RCAN1: variants seen among roughly 807,000 people sequenced by gnomAD.
The protein encoded by RCAN1 is calcipressin-1.
RCAN1 carries 11 observed loss-of-function variants against 22.9 expected under a neutral mutation model. The observed-to-expected ratio is 0.48, with a 90% confidence interval of 0.30 to 0.79. The LOEUF (loss-of-function observed/expected upper bound fraction) is 0.79. Among genes scored for constraint, RCAN1 ranks in the 30% least tolerant of loss-of-function variants. The pLI is 0.06. For synonymous variants in RCAN1, 136 were observed against 142.3 expected (o/e 0.96, Z 0.32); for missense variants, 291 against 337.8 (o/e 0.86, Z 1.09).
intron 1 of RCAN1, among the ~76,000 whole-genome samples, chr21:34,598,892 T>C (rs547990417): frequency 4.6e-5 from 7 of 152,214 alleles, no homozygotes; most frequent in Non-Finnish European, 1.0e-4. Context: ...CTAATAAGCA[T>C]ATGGAAGGGT....
At chr21:34,605,102 G>A (rs1988481634) in intron 1 of RCAN1, among the ~76,000 whole-genome samples, 2 of 152,264 alleles carry the variant, frequency 1.3e-5, no homozygotes, top group South Asian at 4.1e-4. Flanking sequence ...TGAGGGTGTT[G>A]CCAGAGGAGA....
chr21:34,545,477 A>G (rs144421312), intron 1 of RCAN1, among the ~76,000 whole-genome samples: 10 of 152,286 alleles, frequency 6.6e-5, no homozygotes, highest in African/African-American at 2.4e-4. Context: ...AAATGCTGCA[A>G]TGTGGGGCAT....
intron 1 of RCAN1, among the ~76,000 whole-genome samples, chr21:34,552,257 G>C (rs751108081): frequency 1.3e-5 from 2 of 151,350 alleles, no homozygotes; most frequent in African/African-American, 2.4e-5. Flanking sequence ...GAGCTTGCCA[G>C]AAACGCAGAA....
chr21:34,605,087 G>A (rs1988481241), intron 1 of RCAN1, among the ~76,000 whole-genome samples: 1 of 152,248 alleles, frequency 6.6e-6, no homozygotes, highest in African/African-American at 2.4e-5. Flanking sequence ...TCCTGAATGT[G>A]TCTGTGAGGG....
At chr21:34,577,434 C>T (rs1987447767) in intron 1 of RCAN1, among the ~76,000 whole-genome samples, 1 of 151,716 alleles carries the variant, frequency 6.6e-6, no homozygotes, top group Non-Finnish European at 1.5e-5. Flanking sequence ...CCTGTCTCTA[C>T]AAAAAAATAC....
chr21:34,596,523 G>A (rs1320688219), intron 1 of RCAN1, among the ~76,000 whole-genome samples: 3 of 152,118 alleles, frequency 2.0e-5, no homozygotes, highest in East Asian at 1.9e-4. Flanking sequence ...GGGCCTTCTC[G>A]AAGGCTCTGC....
In RCAN1 at chr21:34,518,332, A is replaced by AG; in HGVS notation, c.587-77dup. The AG allele has an allele frequency of 6.7e-7, 1 of 1,500,346 alleles. No homozygotes were observed. The highest frequency in any genetic ancestry group is 1.4e-5 in the African/African-American group (1 of 72,806). The allele number at this position is 1,500,346 out of a possible 1,614,324, so 92.9% of individuals were successfully genotyped here. On this transcript the variant is annotated intron_variant, in intron 3 of 3. Coordinates refer to ENST00000313806, the MANE Select transcript of RCAN1 (RefSeq NM_004414.7). The surrounding 1 kb of genome is among the most constrained non-coding windows in gnomAD (Gnocchi z 4.2). ...AAAAGGCAAACATAAAAGAGCATTC[A>AG]GGGCTCTGCTGGGCCAGCTGCTCGT...
intron 3 of RCAN1, among the ~76,000 whole-genome samples, chr21:34,520,007 A>G (rs1398374498): frequency 2.0e-5 from 3 of 152,016 alleles, no homozygotes; most frequent in Admixed American, 1.3e-4. Flanking sequence ...TTACAAATCT[A>G]CCTCTTTGCA....
intron 1 of RCAN1, among the ~76,000 whole-genome samples, chr21:34,610,628 C>T (rs1430777209): frequency 2.6e-5 from 4 of 152,220 alleles, no homozygotes; most frequent in African/African-American, 9.6e-5. Flanking sequence ...TGGTTCCCAA[C>T]CTCAGCTAAC....
rs748689069 is a variant in RCAN1, at chr21:34,614,883, G to A, written c.129C>T (p.Asp43=). 1.4e-6 allele frequency: 2 copies of A among 1,449,062 alleles called. No homozygotes were observed. Among genetic ancestry groups the A allele is most frequent in the Middle Eastern group, 1.9e-4 (1 of 5,134 alleles). 89.8% of individuals were successfully genotyped at this position (1,449,062 alleles called of 1,614,324 possible). A position where few individuals can be genotyped will look rare whatever the true frequency, so the allele number is the denominator to read the frequency against. ...FAPLSGAAEA[D]EGGGDWSFID... ...TGAAGCTCCAGTCGCCGCCGCCCTC[G>A]TCCGCCTCGGCCGCCCCCGAGAGGG... Residue 43 remains aspartate (D), a synonymous_variant, in exon 1 of 4, where the codon GAC becomes GAT. Coordinates refer to ENST00000313806, the MANE Select transcript of RCAN1 (RefSeq NM_004414.7). This position sits in a 1 kb window ranked among gnomAD's most constrained non-coding sequence, Gnocchi z 6.0.
chr21:34,615,107 C>T lies in RCAN1; in HGVS notation c.-96G>A. ...CCGGTCCGCGCCCGGCCGGCGGCTC[C>T]GCCGTTAACCCCCTCGGAATCGCGC... is the stretch of plus-strand genomic sequence containing the variant. On this transcript the variant is annotated 5_prime_UTR_variant, in exon 1 of 4. Transcript: ENST00000313806. 1.0e-6 allele frequency: 1 copy of T among 970,032 alleles called. No homozygotes were observed. Among genetic ancestry groups the T allele is most frequent in the Non-Finnish European group, 1.2e-6 (1 of 814,118 alleles). 60.1% of individuals were successfully genotyped at this position (970,032 alleles called of 1,614,324 possible).
intron 1 of RCAN1, among the ~76,000 whole-genome samples, chr21:34,537,132 A>G (rs1985706819): frequency 6.6e-6 from 1 of 152,204 alleles, no homozygotes; most frequent in Non-Finnish European, 1.5e-5. Flanking sequence ...AAACATACTG[A>G]AGGAACAATA....
chr21:34,609,642 T>C (rs745521605), intron 1 of RCAN1, among the ~76,000 whole-genome samples: 9 of 152,244 alleles, frequency 5.9e-5, no homozygotes, highest in Non-Finnish European at 1.2e-4. Flanking sequence ...TGTTCCTTTA[T>C]GTAATTGTCC....
intron 1 of RCAN1, among the ~76,000 whole-genome samples, chr21:34,571,148 C>T (rs181380070): frequency 1.3e-5 from 2 of 152,146 alleles, no homozygotes; most frequent in African/African-American, 4.8e-5. Context: ...ACAAAATTAG[C>T]CGGGCATGGT....
intron 3 of RCAN1, among the ~76,000 whole-genome samples, chr21:34,520,271 G>A (rs1984403984): frequency 6.6e-6 from 1 of 152,142 alleles, no homozygotes; most frequent in Admixed American, 6.5e-5. Flanking sequence ...AACAGCATTT[G>A]CCTCTGGAAC....
chr21:34,599,029 A>T (rs574528923), intron 1 of RCAN1, among the ~76,000 whole-genome samples: 1 of 152,302 alleles, frequency 6.6e-6, no homozygotes, highest in Middle Eastern at 3.4e-3. Context: ...GTGGGCAGAG[A>T]GGAACTCATG....
chr21:34,603,157 A>C (rs2123728121), intron 1 of RCAN1, among the ~76,000 whole-genome samples: 1 of 152,278 alleles, frequency 6.6e-6, no homozygotes, highest in African/African-American at 2.4e-5. Context: ...TTTGCCTTTG[A>C]TGCCTGAAAT....
chr21:34,541,828 G>A (rs1985927078), intron 1 of RCAN1, among the ~76,000 whole-genome samples: 1 of 152,112 alleles, frequency 6.6e-6, no homozygotes, highest in South Asian at 2.1e-4. Flanking sequence ...CAGCTACTCG[G>A]GAGGCTGAGG....
rs1162914801 is a variant in RCAN1 at position 34,523,717 on chromosome 21, A to C, written c.253-7T>G. On this transcript the variant is annotated splice_region_variant and splice_polypyrimidine_tract_variant and intron_variant, in intron 1 of 3. Transcript: ENST00000313806. ...AGAGGGACTCAAATTTGGCCTGAAA[A>C]ATAACAATAAAAATAAAAGGAGTTG... 1 of 1,609,184 alleles carries C rather than the reference A, an allele frequency of 6.2e-7. No homozygotes were observed. Among genetic ancestry groups the C allele is most frequent in the East Asian group, 2.2e-5 (1 of 44,840 alleles).
Sources: allele counts gnomAD v4.1 joint callset (sites outside exome capture counted in the v4.1 genomes callset), GRCh38; gene constraint gnomAD v4.1.1; non-coding constraint Gnocchi (gnomAD v3.1); transcripts MANE v1.5; gene names NCBI Gene and HGNC (gene_info 2026-07-23, HGNC 2026-07-21).